The following MGAT4C variants were observed in gnomAD, a reference collection of about 807,000 sequenced individuals.
MGAT4C encodes the protein MGAT4 family member C, also known as alpha-1,3-mannosyl-glycoprotein 4-beta-N-acetylglucosaminyltransferase C.
A neutral mutation model predicts 40.1 loss-of-function variants in MGAT4C; 19 were observed. The ratio of observed to expected loss-of-function variants is 0.47; its 90% CI spans 0.33 to 0.70. The LOEUF is 0.70. Ranked by LOEUF, MGAT4C falls within the 30% of genes least tolerant of loss-of-function variation. The pLI is 0.02. For synonymous variants in MGAT4C, 181 were observed against 187.1 expected, an observed-to-expected ratio of 0.97 and a Z score of 0.27; for missense variants, 491 against 563.2, an observed-to-expected ratio of 0.87 and a Z score of 1.30.
intron 3 of MGAT4C, among the ~76,000 whole-genome samples, chr12:86,342,522 G>T (rs1220064819): frequency 6.6e-6 from 1 of 152,152 alleles, no homozygotes; most frequent in Non-Finnish European, 1.5e-5. Flanking sequence ...CCTCCATCAA[G>T]CTTCAGCCAA....
At chr12:86,176,159 C>G (rs892706224) in intron 1 of MGAT4C, among the ~76,000 whole-genome samples, 1 of 152,214 alleles carries the variant, frequency 6.6e-6, no homozygotes, top group African/African-American at 2.4e-5. Flanking sequence ...CATGACTTCT[C>G]TAGCTTGTTT....
At chr12:86,044,900 T>G (rs953131510) in intron 2 of MGAT4C, among the ~76,000 whole-genome samples, 1 of 152,116 alleles carries the variant, frequency 6.6e-6, no homozygotes, top group Non-Finnish European at 1.5e-5. Context: ...AGCTCAAGTG[T>G]CCATGGGTGT....
At chr12:86,476,635 A>C (rs1385011130) in intron 2 of MGAT4C, among the ~76,000 whole-genome samples, 1 of 152,110 alleles carries the variant, frequency 6.6e-6, no homozygotes, top group Non-Finnish European at 1.5e-5. Context: ...TTTGTATGTT[A>C]ATTGCAGAGC....
chr12:86,092,193 G>T (rs1373508053), intron 1 of MGAT4C, among the ~76,000 whole-genome samples: 1 of 152,054 alleles, frequency 6.6e-6, no homozygotes, highest in Non-Finnish European at 1.5e-5. Context: ...ATTAGTGATG[G>T]TTAGCTACAA....
chr12:86,634,576 G>A (rs1392746198), intron 2 of MGAT4C, among the ~76,000 whole-genome samples: 2 of 152,024 alleles, frequency 1.3e-5, no homozygotes, highest in Non-Finnish European at 2.9e-5. Context: ...CCATGTGATG[G>A]TTAGCTGAAT....
chr12:86,513,228 C>A (rs575991005), intron 2 of MGAT4C, among the ~76,000 whole-genome samples: 5 of 152,020 alleles, frequency 3.3e-5, no homozygotes, highest in Non-Finnish European at 5.9e-5. Context: ...TTTAAAAGTT[C>A]TTGGATTTTA....
chr12:86,410,028 G>T (rs1287666164), intron 3 of MGAT4C, among the ~76,000 whole-genome samples: 2 of 152,106 alleles, frequency 1.3e-5, no homozygotes, highest in Non-Finnish European at 2.9e-5. Flanking sequence ...CGAACAGGGA[G>T]TAGGTCACAA....
At chr12:86,641,522 T>C (rs1963386425) in intron 2 of MGAT4C, among the ~76,000 whole-genome samples, 1 of 151,090 alleles carries the variant, frequency 6.6e-6, no homozygotes, top group Non-Finnish European at 1.5e-5. Flanking sequence ...AGTATAATAA[T>C]AATAAAATAA....
rs542293451 is a variant in MGAT4C, at chr12:86,477,332, A to G, written c.-228-42067T>C. On this transcript the variant is annotated intron_variant, in intron 2 of 7. Transcript: ENST00000548651. ...ACAAATAGAAAACCAAATACCACAT[A>G]TTCTCACTTATAAGTGGGAGCTAAA... Among the ~76,000 whole-genome samples the G allele has an allele frequency of 2.6e-5, 4 of 152,176 alleles. No individual in the cohort carries two copies. The East Asian group carries it at 7.8e-4, about 30-fold the overall frequency.
At chr12:86,716,049 C>T (rs1455408665) in intron 2 of MGAT4C, among the ~76,000 whole-genome samples, 3 of 152,012 alleles carry the variant, frequency 2.0e-5, no homozygotes, top group African/African-American at 4.8e-5. Flanking sequence ...TTGTTTCAGG[C>T]AGATAACTAT....
chr12:86,194,027 C>T (rs1404272262), intron 1 of MGAT4C, among the ~76,000 whole-genome samples: 2 of 151,938 alleles, frequency 1.3e-5, no homozygotes, highest in African/African-American at 2.4e-5. Flanking sequence ...AGATGCTAAA[C>T]CTTTTGATCA....
chr12:86,621,566 T>A (rs1962639098), intron 2 of MGAT4C, among the ~76,000 whole-genome samples: 1 of 152,072 alleles, frequency 6.6e-6, no homozygotes, highest in East Asian at 1.9e-4. Context: ...GCATCCTTGA[T>A]TTCTTGGACT....
chr12:86,738,411 A>G (rs1431616731), intron 1 of MGAT4C, among the ~76,000 whole-genome samples: 1 of 151,438 alleles, frequency 6.6e-6, no homozygotes, highest in Non-Finnish European at 1.5e-5. Flanking sequence ...GATACTTTAT[A>G]TAGTTCCTTG....
At chr12:86,514,107 CACA>C (rs757323560) in intron 2 of MGAT4C, among the ~76,000 whole-genome samples, 715 of 149,226 alleles carry the variant, frequency 4.8e-3, no homozygotes, top group Middle Eastern at 0.01. Flanking sequence ...CACACACACA[CACA>C]ACCCCGGCTT....
At chr12:86,782,975 TAA>T (rs1951870291) in intron 1 of MGAT4C, among the ~76,000 whole-genome samples, 3 of 152,236 alleles carry the variant, frequency 2.0e-5, no homozygotes, top group Non-Finnish European at 4.4e-5. Flanking sequence ...TGCAGCAGAC[TAA>T]TATAATTTAT....
intron 1 of MGAT4C, among the ~76,000 whole-genome samples, chr12:86,785,813 C>G (rs551358294): frequency 3.6e-4 from 54 of 151,382 alleles, no homozygotes; most frequent in Middle Eastern, 3.4e-3. Context: ...ACATAATAAT[C>G]TTTGGAAAAA....
intron 1 of MGAT4C, among the ~76,000 whole-genome samples, chr12:86,800,653 T>C (rs1952208999): frequency 6.6e-6 from 1 of 151,888 alleles, no homozygotes; most frequent in African/African-American, 2.4e-5. Context: ...TTTACAATTA[T>C]TAATAATAAC....
intron 2 of MGAT4C, among the ~76,000 whole-genome samples, chr12:86,673,581 CTAAT>C (rs200144741): frequency 0.019 from 2,927 of 152,172 alleles, 41 homozygotes; most frequent in Middle Eastern, 0.041. Context: ...ATGATAATAA[CTAAT>C]CGCGTAATTT....
chr12:86,297,309 A>C (rs944903545), intron 4 of MGAT4C, among the ~76,000 whole-genome samples: 1 of 152,166 alleles, frequency 6.6e-6, no homozygotes, highest in East Asian at 1.9e-4. Context: ...GGGAGGCAAG[A>C]TTTTATGTAG....
Sources: gnomAD v4.1 joint callset for allele counts (sites outside exome capture counted in the v4.1 genomes callset) on GRCh38, gnomAD v4.1.1 for gene constraint, MANE v1.5 for transcripts, NCBI Gene and HGNC (gene_info 2026-07-23, HGNC 2026-07-21) for gene names.